The following CLPTM1 variants were observed in gnomAD, a reference collection of about 807,000 sequenced individuals.
CLPTM1 encodes the protein CLPTM1 regulator of GABA type A receptor forward trafficking, also known as putative lipid scramblase CLPTM1.
In CLPTM1, 21 loss-of-function variants were observed where a neutral mutation model predicts 77.3. That is an observed-to-expected ratio of 0.27 (90% CI 0.19 to 0.39). The LOEUF (loss-of-function observed/expected upper bound fraction) is 0.39. Among genes scored for constraint, CLPTM1 ranks in the 10% least tolerant of loss-of-function variants. The probability of loss-of-function intolerance (pLI) is 1.00; values close to 1 mark genes in which losing one functional copy is unlikely to be tolerated. For missense variants in CLPTM1, 642 were observed against 921.2 expected (o/e 0.70, Z 3.92); for synonymous variants, 373 against 381.0 (o/e 0.98, Z 0.24).
chr19:44,978,688 C>T (rs1948209715), intron 5 of CLPTM1, among the ~76,000 whole-genome samples: 2 of 152,174 alleles, frequency 1.3e-5, no homozygotes, highest in South Asian at 2.1e-4. Flanking sequence ...CATGATAACT[C>T]ATTAATCCAT....
chr19:44,984,434 G>C (rs1970947146), intron 5 of CLPTM1: 1 of 152,314 alleles, frequency 6.6e-6, no homozygotes, highest in Non-Finnish European at 1.5e-5. Context: ...CAGTGGGGTG[G>C]CCAGGGAAGC....
chr19:44,980,510 A>C (rs1268832954), intron 5 of CLPTM1, among the ~76,000 whole-genome samples: 1 of 20,128 alleles, frequency 5.0e-5, no homozygotes, highest in South Asian at 1.8e-3. Flanking sequence ...CTCCATCTCA[A>C]AAAAAAAAAA....
intron 9 of CLPTM1, among the ~76,000 whole-genome samples, chr19:44,989,595 G>A (rs1971036896): frequency 6.6e-6 from 1 of 151,792 alleles, no homozygotes; most frequent in Admixed American, 6.6e-5. Context: ...GGGGAGCTCT[G>A]GGATGGGGTA....
Position 44,962,087 on chromosome 19 carries a change from G to A in CLPTM1, c.185+12G>A. The A allele has an allele frequency of 1.3e-6, 2 of 1,521,788 alleles. No individual in the cohort carries two copies. The highest frequency in any genetic ancestry group is 1.8e-6 in the Non-Finnish European group (2 of 1,125,292). 94.3% of individuals were successfully genotyped at this position (1,521,788 alleles called of 1,614,324 possible). A position where few individuals can be genotyped will look rare whatever the true frequency, so the allele number is the denominator to read the frequency against. On this transcript the variant is annotated intron_variant, in intron 2 of 13. Coordinates refer to ENST00000337392, the MANE Select transcript of CLPTM1 (RefSeq NM_001294.4). ...GGTGTGCTGTTTAGGTGAGCAGACG[G>A]GACTTGGGTTTGTTCACCGAAAACA...
At chr19:44,972,917 G>A (rs1486671577) in intron 2 of CLPTM1, among the ~76,000 whole-genome samples, 170 bp from the exon 3 acceptor site, 2 of 151,936 alleles carry the variant, frequency 1.3e-5, no homozygotes, top group African/African-American at 4.8e-5. Context: ...TGGTCTTTAG[G>A]GACATCTTAT....
intron 2 of CLPTM1, among the ~76,000 whole-genome samples, chr19:44,965,266 G>C (rs541121706): frequency 6.7e-6 from 1 of 148,888 alleles, no homozygotes. Flanking sequence ...TTGGGAGACC[G>C]AGGCAGGCAG....
At chr19:44,974,046 G>T (rs975436693) in intron 3 of CLPTM1, among the ~76,000 whole-genome samples, 1 of 152,084 alleles carries the variant, frequency 6.6e-6, no homozygotes, top group Non-Finnish European at 1.5e-5. Context: ...TCACAGGCAT[G>T]AGCCACCGTG....
upstream of CLPTM1, chr19:44,955,376 C>CGGGGGGGGGGGGGGGGGG: frequency 7.9e-6 from 5 of 631,114 alleles, no homozygotes; most frequent in Non-Finnish European, 1.0e-5. Context: ...GCGGCGGGGG[C>CGGGGGGGGGGGGGGGGGG]GGGGACCCGG....
At chr19:44,986,355 T>G (rs927879842) in intron 6 of CLPTM1, 100 bp from the exon 7 acceptor site, 1 of 1,448,912 alleles carries the variant, frequency 6.9e-7, no homozygotes, top group Admixed American at 2.2e-5. Context: ...AAGCAAAGAT[T>G]AAGATTTTCT....
intron 2 of CLPTM1, among the ~76,000 whole-genome samples, chr19:44,971,750 G>A (rs1970721272): frequency 2.6e-5 from 4 of 151,688 alleles, no homozygotes; most frequent in African/African-American, 9.7e-5. Context: ...GTAGAGACGG[G>A]ATTTCATCAT....
chr19:44,977,084 C>T (rs773206014), intron 4 of CLPTM1, among the ~76,000 whole-genome samples: 1 of 152,038 alleles, frequency 6.6e-6, no homozygotes, highest in African/African-American at 2.4e-5. Flanking sequence ...GTGGGAACTT[C>T]GCATCCTCTA....
At chr19:44,985,139 G>T in intron 5 of CLPTM1, 79 bp from the exon 6 acceptor site, 2 of 965,016 alleles carry the variant, frequency 2.1e-6, no homozygotes, top group Non-Finnish European at 3.3e-6. Flanking sequence ...GCCGTTGCTG[G>T]TGGGCAGGGG....
intron 3 of CLPTM1, among the ~76,000 whole-genome samples, chr19:44,974,231 C>G (rs181056353): frequency 2.6e-5 from 4 of 152,120 alleles, no homozygotes; most frequent in Non-Finnish European, 5.9e-5. Context: ...GTTCTTTGTT[C>G]GTTGACTTCA....
Position 44,986,582 on chromosome 19 carries a change from TC to T in CLPTM1, c.793+11del. ...CCCCCTCCCCTGGATCAATGTAAGC[TC>T]CCCAGCCCTGCCAGCTGCCTGCAGA... is the stretch of plus-strand genomic sequence containing the variant. On this transcript the variant is annotated splice_region_variant and intron_variant, in intron 7 of 13. Coordinates refer to ENST00000337392, the MANE Select transcript of CLPTM1 (RefSeq NM_001294.4). The T allele has an allele frequency of 6.2e-7, 1 of 1,612,728 alleles. No individual in the cohort carries two copies. The highest frequency in any genetic ancestry group is 1.1e-5 in the South Asian group (1 of 91,014).
chr19:44,973,201 C>T lies in CLPTM1; in HGVS notation c.300C>T (p.Asp100=). The change falls in exon 3 of 14, where the codon GAC becomes GAT. Residue 100 remains aspartate, a synonymous_variant. Transcript: ENST00000337392. The part of the protein sequence containing the change: ...RVASRNLFPK[D]TLMNLHVYIS... ...CCAGCCGCAACCTGTTCCCCAAAGA[C>T]ACTTTAATGGTAACTGCCGGGTGGT... 6.2e-7 allele frequency: 1 copy of T among 1,614,042 alleles called. No homozygotes were observed. The highest frequency in any genetic ancestry group is 8.5e-7 in the Non-Finnish European group (1 of 1,179,930).
In CLPTM1 at chr19:44,990,484, C is replaced by T; in HGVS notation, c.1222C>T (p.Leu408Phe). 6.8e-6 allele frequency: 11 copies of T among 1,614,134 alleles called. No individual in the cohort carries two copies. Among genetic ancestry groups the T allele is most frequent in the Non-Finnish European group, 9.3e-6 (11 of 1,179,990 alleles). ...FGVFQSFVVL[L>F]YILDNETNFV... Reference sequence around the variant, plus strand: ...CGTTTTCCAGTCATTCGTGGTCCTCCTCTACATCCTGGACAACGAGACCAA... The same window carrying T: ...CGTTTTCCAGTCATTCGTGGTCCTCTTCTACATCCTGGACAACGAGACCAA... Residue 408 changes from leucine to phenylalanine, a missense_variant, in exon 10 of 14, where the codon CTC (leucine) becomes TTC (phenylalanine). Transcript: ENST00000337392. This position sits in a 1 kb window ranked among gnomAD's most constrained non-coding sequence, Gnocchi z 4.8.
rs1971081208 is a variant in CLPTM1 at position 44,991,874 on chromosome 19, CA to C, written c.1556-358del. ...GAGCCATGATTACGCCACTGCACTCCAGCCTGGGTGACAGAGTGAGACCCTG... is the reference window on the plus strand; with the variant it reads ...GAGCCATGATTACGCCACTGCACTCCGCCTGGGTGACAGAGTGAGACCCTG... On this transcript the variant is annotated intron_variant, in intron 12 of 13. Transcript: ENST00000337392. This position sits in a 1 kb window ranked among gnomAD's most constrained non-coding sequence, Gnocchi z 5.4. 6.6e-6 allele frequency among the ~76,000 whole-genome samples: 1 copy of C among 152,076 alleles called. No homozygotes were observed. Among genetic ancestry groups the C allele is most frequent in the African/African-American group, 2.4e-5 (1 of 41,404 alleles).
At chr19:44,955,560 A>C in intron 1 of CLPTM1, 93 bp downstream of exon 1, 2 of 1,139,152 alleles carry the variant, frequency 1.8e-6, no homozygotes, top group Non-Finnish European at 2.2e-6. Flanking sequence ...AATCCCGTGC[A>C]CTGGGGGCTC....
chr19:44,962,049 G>T lies in CLPTM1; in HGVS notation c.159G>T (p.Trp53Cys). 1.2e-6 allele frequency: 2 copies of T among 1,610,970 alleles called. No homozygotes were observed. Among genetic ancestry groups the T allele is most frequent in the Non-Finnish European group, 1.7e-6 (2 of 1,178,918 alleles). Residue 53 changes from tryptophan (W) to cysteine (C), a missense_variant, in exon 2 of 14, where the codon TGG becomes TGT. This residue lies in a region of CLPTM1 where 121 missense variants were observed against 120.8 expected (regional missense o/e 1.00). Coordinates refer to ENST00000337392, the MANE Select transcript of CLPTM1 (RefSeq NM_001294.4). ...CGGCCCAGCCGGCACCCAATGCCTG[G>T]CAGGTCATCAAAGGTGTGCTGTTTA... ...NPPAQPAPNA[W>C]QVIKGVLFRI...
Sources: gnomAD v4.1 joint callset for allele counts (sites outside exome capture counted in the v4.1 genomes callset) on GRCh38, gnomAD v4.1.1 for gene constraint, gnomAD v4.1.1 regional missense constraint, Gnocchi (gnomAD v3.1) non-coding constraint, MANE v1.5 for transcripts, NCBI Gene and HGNC (gene_info 2026-07-23, HGNC 2026-07-21) for gene names.